Variants in CFAP46 observed in about 807,000 individuals in gnomAD.
CFAP46 encodes the protein cilia and flagella associated protein 46, also known as cilia- and flagella-associated protein 46.
A neutral mutation model predicts 325.7 loss-of-function variants in CFAP46; 245 were observed. The observed-to-expected ratio is 0.75, with a 90% CI of 0.68 to 0.84. The LOEUF is 0.84. Ranked by LOEUF, CFAP46 falls within the 40% of genes least tolerant of loss-of-function variation. The pLI, the probability that CFAP46 is intolerant of heterozygous loss-of-function variation, is 0.00. For synonymous variants in CFAP46, 1,523 were observed against 1,495.9 expected, an observed-to-expected ratio of 1.02 and a Z score of -0.42; for missense variants, 3,346 against 3,543.0, an observed-to-expected ratio of 0.94 and a Z score of 1.41.
intron 25 of CFAP46, 42 bp downstream of exon 25, chr10:132,892,291 C>G: frequency 6.5e-7 from 1 of 1,535,350 alleles, no homozygotes. Flanking sequence ...CTTCCCTTTC[C>G]TTGTACCTGG....
chr10:132,811,949 C>G (rs1449044311), intron 55 of CFAP46, among the ~76,000 whole-genome samples: 1 of 152,244 alleles, frequency 6.6e-6, no homozygotes, highest in Non-Finnish European at 1.5e-5. Context: ...CTCCCGAGTC[C>G]CTAAAAGACT....
At chr10:132,837,946 C>G (rs1564773018) in intron 44 of CFAP46, among the ~76,000 whole-genome samples, 1 of 152,190 alleles carries the variant, frequency 6.6e-6, no homozygotes, top group East Asian at 1.9e-4. Context: ...CGGACACAGA[C>G]ACGCACGTGT....
At chr10:132,911,906 T>C (rs1849545666) in intron 19 of CFAP46, among the ~76,000 whole-genome samples, 1 of 152,010 alleles carries the variant, frequency 6.6e-6, no homozygotes, top group Non-Finnish European at 1.5e-5. Context: ...CCACGGGTCT[T>C]GTTTTCCTCT....
chr10:132,882,442 G>T (rs1274483961), intron 27 of CFAP46, among the ~76,000 whole-genome samples: 1 of 151,856 alleles, frequency 6.6e-6, no homozygotes, highest in Non-Finnish European at 1.5e-5. Flanking sequence ...GGTTTGTTGT[G>T]GATGTCGGGT....
Position 132,884,004 on chromosome 10 carries a change from A to G in CFAP46, c.3627+1099T>C, listed in dbSNP as rs1849085104. Among the ~76,000 whole-genome samples, 1 of 152,174 alleles carries G rather than the reference A, an allele frequency of 6.6e-6. No homozygotes were observed. The highest frequency in any genetic ancestry group is 6.5e-5 in the Admixed American group (1 of 15,288). ...TTTACTAAAAACATGTTGTACCTCTAACAAAGACAACTGAAGGAAGGACTC... is the reference window on the plus strand; with the variant it reads ...TTTACTAAAAACATGTTGTACCTCTGACAAAGACAACTGAAGGAAGGACTC... On this transcript the variant is annotated intron_variant, in intron 27 of 57. Transcript: ENST00000368586. The surrounding 1 kb of genome is among the most constrained non-coding windows in gnomAD (Gnocchi z 5.4).
rs1460259350 is a variant in CFAP46, at chr10:132,922,518, C to T, written c.1447G>A (p.Glu483Lys). The T allele has an allele frequency of 1.3e-6, 2 of 1,546,124 alleles. No homozygotes were observed. Among genetic ancestry groups the T allele is most frequent in the South Asian group, 2.4e-5 (2 of 83,972 alleles). ...ATGATGGCCTTGTCCTCTGCGCGCT[C>T]AGGGGCCTGGTATAGCGTGGTGCAC... ...RLCTTLYQAP[E>K]RAEDKAIMAV... Residue 483 changes from glutamate to lysine, a missense_variant, in exon 12 of 58, where the codon GAG (glutamate) becomes AAG (lysine). Coordinates refer to ENST00000368586, the MANE Select transcript of CFAP46 (RefSeq NM_001200049.3).
At chr10:132,942,192 CGCCT>C in intron 1 of CFAP46, 88 bp from the exon 2 acceptor site, 1 of 1,488,546 alleles carries the variant, frequency 6.7e-7, no homozygotes, top group Non-Finnish European at 9.0e-7. Flanking sequence ...CCCAGGCAGC[CGCCT>C]TGGGCCCCCG....
chr10:132,860,598 GCA>G, intron 36 of CFAP46, 75 bp from the exon 37 acceptor site: 2 of 1,259,258 alleles, frequency 1.6e-6, no homozygotes, highest in South Asian at 1.3e-5. Context: ...GGACGGGCGG[GCA>G]GGGACAGATA....
chr10:132,875,682 A>G (rs1252601976), intron 31 of CFAP46, among the ~76,000 whole-genome samples: 1 of 152,200 alleles, frequency 6.6e-6, no homozygotes, highest in Non-Finnish European at 1.5e-5. Context: ...GCCATGCTTG[A>G]GGCTTGACCC....
chr10:132,877,874 G>A lies in CFAP46; in HGVS notation c.4212+7C>T. The A allele has an allele frequency of 1.9e-6, 3 of 1,548,668 alleles. No individual in the cohort carries two copies. The South Asian group carries it at 3.6e-5, about 18-fold the overall frequency. ...CGGCCTCTGCACCGTGGCCACTTGGGCATCACCTGCTTGGGCTCCTTGACT... is the reference window on the plus strand; with the variant it reads ...CGGCCTCTGCACCGTGGCCACTTGGACATCACCTGCTTGGGCTCCTTGACT... On this transcript the variant is annotated splice_region_variant and intron_variant, in intron 30 of 57. Coordinates refer to ENST00000368586, the MANE Select transcript of CFAP46 (RefSeq NM_001200049.3). The surrounding 1 kb of genome is among the most constrained non-coding windows in gnomAD (Gnocchi z 5.7).
At chr10:132,888,460 C>T (rs1341646095) in intron 25 of CFAP46, among the ~76,000 whole-genome samples, 2 of 54,876 alleles carry the variant, frequency 3.6e-5, no homozygotes, top group Non-Finnish European at 6.6e-5. Context: ...TCACCCCTGC[C>T]GCCTGCACCT....
chr10:132,832,633 T>G lies in CFAP46; in HGVS notation c.7117+725A>C, dbSNP rs185214053. 12 of 371,768 alleles carry G rather than the reference T, an allele frequency of 3.2e-5. No individual in the cohort carries two copies. Among genetic ancestry groups the G allele is most frequent in the African/African-American group, 1.5e-4 (7 of 46,954 alleles). 23.0% of individuals were successfully genotyped at this position (371,768 alleles called of 1,614,324 possible). Reference sequence around the variant, plus strand: ...AAGTCCAATCGATTTATTTTTAATTTTATTTGATACCGAAGTGCAGAAAAC... The same window carrying G: ...AAGTCCAATCGATTTATTTTTAATTGTATTTGATACCGAAGTGCAGAAAAC... On this transcript the variant is annotated intron_variant, in intron 50 of 57. Transcript: ENST00000368586. This position sits in a 1 kb window ranked among gnomAD's most constrained non-coding sequence, Gnocchi z 4.1.
At chr10:132,820,578 CTGA>C (rs1395325198) in intron 50 of CFAP46, among the ~76,000 whole-genome samples, 88 of 146,138 alleles carry the variant, frequency 6.0e-4, no homozygotes, top group African/African-American at 2.1e-3. Context: ...TGTGTGTGCG[CTGA>C]TGTGTGCTGT....
rs950894082 is a variant in CFAP46 at position 132,808,588 on chromosome 10, C to T, written c.7981G>A (p.Ala2661Thr). The T allele has an allele frequency of 5.0e-6, 8 of 1,612,618 alleles. No homozygotes were observed. Among genetic ancestry groups the T allele is most frequent in the South Asian group, 1.1e-5 (1 of 91,056 alleles). The change falls in exon 58 of 58, where the codon GCC becomes ACC. Residue 2661 changes from alanine to threonine, a missense_variant. Ala to Thr is a moderately conservative substitution (Grantham distance 58, BLOSUM62 0). Transcript: ENST00000368586. The surrounding 1 kb of genome is among the most constrained non-coding windows in gnomAD (Gnocchi z 6.8). ...AGGCAGGCAGAGCTCGAGGTCCAGGCGGCTGCCTTGCGGGAAGTCGCTGGG... is the reference window on the plus strand; with the variant it reads ...AGGCAGGCAGAGCTCGAGGTCCAGGTGGCTGCCTTGCGGGAAGTCGCTGGG... Reference protein sequence around the residue: ...PPPATSRKAAAWTSSSACLCA... With the variant: ...PPPATSRKAATWTSSSACLCA...
intron 56 of CFAP46, 89 bp downstream of exon 56, chr10:132,810,861 G>C: frequency 8.0e-7 from 1 of 1,242,360 alleles, no homozygotes; most frequent in Non-Finnish European, 1.1e-6. Context: ...CCCGACCCCA[G>C]GTCCCTCCTC....
chr10:132,812,837 C>T lies in CFAP46; in HGVS notation c.7449G>A (p.Glu2483=), dbSNP rs1304638484. Residue 2483 remains glutamate, a synonymous_variant, in exon 55 of 58, where the codon GAG becomes GAA. Coordinates refer to ENST00000368586, the MANE Select transcript of CFAP46 (RefSeq NM_001200049.3). The part of the protein sequence containing the change: ...SCSGFFFYGM[E]SFLSHILVER... The stretch of plus-strand genomic sequence containing the variant: ...CCACTAATATATGGGACAGGAAGCT[C>T]TCCATTCCATAGAAGAAGAAACCGC... 1.9e-6 allele frequency: 3 copies of T among 1,612,248 alleles called. No homozygotes were observed. Among genetic ancestry groups the T allele is most frequent in the Middle Eastern group, 1.7e-4 (1 of 6,058 alleles).
intron 44 of CFAP46, among the ~76,000 whole-genome samples, chr10:132,844,010 G>A (rs1384687897): frequency 8.4e-6 from 1 of 118,736 alleles, no homozygotes. Flanking sequence ...AGGGTGCTGT[G>A]GGGCTCTGGT....
intron 25 of CFAP46, among the ~76,000 whole-genome samples, chr10:132,887,398 TTCTC>T (rs200842803): frequency 6.0e-5 from 5 of 83,894 alleles, no homozygotes; most frequent in African/African-American, 2.8e-4. Context: ...CCTCTCTCGC[TTCTC>T]TCTCTCCTCT....
chr10:132,942,235 C>T (rs1564808220), intron 1 of CFAP46, 131 bp from the exon 2 acceptor site: 3 of 1,298,722 alleles, frequency 2.3e-6, no homozygotes, highest in African/African-American at 3.0e-5. Context: ...AACCTGTCGC[C>T]GCCAGGGAGC....
Sources: allele counts gnomAD v4.1 joint callset (sites outside exome capture counted in the v4.1 genomes callset), GRCh38; gene constraint gnomAD v4.1.1; non-coding constraint Gnocchi (gnomAD v3.1); transcripts MANE v1.5; gene names NCBI Gene and HGNC (gene_info 2026-07-23, HGNC 2026-07-21).